WDFY3: variants seen among roughly 807,000 people sequenced by gnomAD.
WDFY3 encodes WD repeat and FYVE domain-containing protein 3.
In WDFY3, 66 loss-of-function variants were observed where a neutral mutation model predicts 409.6. The observed-to-expected ratio is 0.16, with a 90% CI of 0.13 to 0.20. WDFY3 has a LOEUF of 0.20. Ranked by LOEUF, WDFY3 falls within the 10% of genes least tolerant of loss-of-function variation. WDFY3 has a pLI of 1.00. For synonymous variants in WDFY3, 1,521 were observed against 1,537.1 expected (o/e 0.99, Z 0.25); for missense variants, 3,031 against 4,298.1 (o/e 0.71, Z 8.24).
chr4:84,824,361 A>G (rs1403122536), intron 10 of WDFY3, among the ~76,000 whole-genome samples: 1 of 152,138 alleles, frequency 6.6e-6, no homozygotes, highest in Non-Finnish European at 1.5e-5. Context: ...TATAAATTCA[A>G]CTTTATCATA....
intron 33 of WDFY3, 31 bp downstream of exon 33, chr4:84,756,895 T>C: frequency 1.3e-6 from 2 of 1,596,590 alleles, no homozygotes; most frequent in Non-Finnish European, 1.7e-6. Context: ...GAATACGTAA[T>C]TTCACGCACC....
chr4:84,950,234 A>G (rs1385826720), intron 1 of WDFY3, among the ~76,000 whole-genome samples: 1 of 147,176 alleles, frequency 6.8e-6, no homozygotes. Context: ...AACATCACAC[A>G]TTGGGAGCTA....
chr4:84,724,671 G>A, intron 45 of WDFY3, 77 bp from the exon 46 acceptor site: 2 of 1,491,192 alleles, frequency 1.3e-6, no homozygotes, highest in Non-Finnish European at 9.0e-7. Context: ...GGGAAGGTAT[G>A]GTGTCAAGGT....
chr4:84,707,011 T>C (rs1274334442), intron 53 of WDFY3, among the ~76,000 whole-genome samples: 1 of 149,440 alleles, frequency 6.7e-6, no homozygotes, highest in Non-Finnish European at 1.5e-5. Flanking sequence ...CACTCTCAGC[T>C]CACAGCAATC....
intron 3 of WDFY3, among the ~76,000 whole-genome samples, chr4:84,863,381 C>T (rs1760930164): frequency 6.6e-6 from 1 of 152,198 alleles, no homozygotes; most frequent in South Asian, 2.1e-4. Context: ...TTCTGGCCAA[C>T]ACTTTCCACC....
At chr4:84,895,822 GAA>G (rs924660725) in intron 3 of WDFY3, among the ~76,000 whole-genome samples, 5 of 152,004 alleles carry the variant, frequency 3.3e-5, no homozygotes, top group African/African-American at 9.7e-5. Flanking sequence ...AGGATCAAAA[GAA>G]AAAGAGATCA....
chr4:84,827,273 G>C (rs897824053), intron 9 of WDFY3, among the ~76,000 whole-genome samples: 1 of 151,902 alleles, frequency 6.6e-6, no homozygotes, highest in Non-Finnish European at 1.5e-5. Flanking sequence ...CAAAAAGTAG[G>C]AAAGAAGAAA....
At chr4:84,907,528 C>T (rs1022754650) in intron 2 of WDFY3, among the ~76,000 whole-genome samples, 1 of 152,134 alleles carries the variant, frequency 6.6e-6, no homozygotes, top group African/African-American at 2.4e-5. Flanking sequence ...CCTCTAGTCC[C>T]AGTCAAGCCT....
In WDFY3 at chr4:84,849,968, A is replaced by G; in HGVS notation, c.238T>C (p.Phe80Leu). The G allele has an allele frequency of 6.2e-7, 1 of 1,610,402 alleles. No individual in the cohort carries two copies. Among genetic ancestry groups the G allele is most frequent in the Middle Eastern group, 1.7e-4 (1 of 6,056 alleles). The part of the protein sequence containing the change: ...MTEKFSDLLQ[F>L]TTQVSRLMVT... Reference sequence around the variant, plus strand: ...ATTAGTCGTGAGACTTGTGTTGTGAACTGCAGAAGATCAGAAAATTTTTCT... The same window carrying G: ...ATTAGTCGTGAGACTTGTGTTGTGAGCTGCAGAAGATCAGAAAATTTTTCT... Residue 80 changes from phenylalanine to leucine, a missense_variant, in exon 5 of 68, where the codon TTC becomes CTC. Transcript: ENST00000295888.
chr4:84,830,458 T>C (rs189598528), intron 8 of WDFY3, among the ~76,000 whole-genome samples: 89 of 152,322 alleles, frequency 5.8e-4, no homozygotes, highest in Non-Finnish European at 4.7e-4. Flanking sequence ...TAGGCTAAGA[T>C]ATGATGTTCG....
intron 44 of WDFY3, 116 bp downstream of exon 44, chr4:84,733,266 T>C (rs1736905126): frequency 1.8e-6 from 2 of 1,122,118 alleles, no homozygotes; most frequent in Non-Finnish European, 2.6e-6. Context: ...TAATAGCGTA[T>C]GTTGAATTTT....
chr4:84,694,391 T>C (rs1254730918), intron 58 of WDFY3, among the ~76,000 whole-genome samples: 1 of 152,192 alleles, frequency 6.6e-6, no homozygotes, highest in African/African-American at 2.4e-5. Context: ...TCAATGTGTG[T>C]CCCAGAAATA....
Position 84,873,770 on chromosome 4 carries a change from T to G in WDFY3, c.-31-13148A>C, listed in dbSNP as rs903790443. 4.2e-4 allele frequency among the ~76,000 whole-genome samples: 64 copies of G among 151,638 alleles called. 1 individual carries two copies. The highest frequency in any genetic ancestry group is 1.5e-5 in the Non-Finnish European group (1 of 67,982). ...ATGACTGGTGTCTTGTTCGTTTTTT[T>G]GTGTTTTTTTTTTGTTTGTTTGTTT... On this transcript the variant is annotated intron_variant, in intron 3 of 67. Coordinates refer to ENST00000295888, the MANE Select transcript of WDFY3 (RefSeq NM_014991.6).
chr4:84,692,948 T>C lies in WDFY3; in HGVS notation c.8986A>G (p.Thr2996Ala), dbSNP rs1261369348. 1 of 1,613,680 alleles carries C rather than the reference T, an allele frequency of 6.2e-7. No homozygotes were observed. The highest frequency in any genetic ancestry group is 2.2e-5 in the East Asian group (1 of 44,872). Residue 2996 changes from threonine (T) to alanine (A), a missense_variant, in exon 59 of 68, where the codon ACA becomes GCA. By Grantham distance (58) the Thr-to-Ala change is moderately conservative (BLOSUM62 0). Around this residue, in one of 16 missense-constraint regions of WDFY3, gnomAD observed 152 missense variants for 193.5 expected, o/e 0.79. Coordinates refer to ENST00000295888, the MANE Select transcript of WDFY3 (RefSeq NM_014991.6). ...NAGISVLPGS[T>A]SDKIFFHHLD... is the part of the protein sequence containing the mutation. ...TGATGAAAAAAGATCTTGTCACTTG[T>C]AGATCCTGGTAGGACAGAGATTCCT... is the stretch of plus-strand genomic sequence containing the variant.
chr4:84,837,441 C>T (rs901636051), intron 6 of WDFY3, among the ~76,000 whole-genome samples: 1 of 152,128 alleles, frequency 6.6e-6, no homozygotes, highest in Non-Finnish European at 1.5e-5. Context: ...ACTTGCCTTT[C>T]TTATAAAAAT....
At chr4:84,847,684 G>A (rs1758277564) in intron 5 of WDFY3, among the ~76,000 whole-genome samples, 1 of 139,134 alleles carries the variant, frequency 7.2e-6, no homozygotes, top group African/African-American at 2.7e-5. Flanking sequence ...TGAGGCAGGA[G>A]AATCGATTGA....
intron 62 of WDFY3, among the ~76,000 whole-genome samples, chr4:84,685,123 G>T (rs1728084926): frequency 6.6e-6 from 1 of 152,192 alleles, no homozygotes; most frequent in Admixed American, 6.5e-5. Flanking sequence ...ACAATGCTGG[G>T]TATTACCTTT....
chr4:84,900,807 C>T (rs1484128923), intron 2 of WDFY3, among the ~76,000 whole-genome samples: 9 of 152,130 alleles, frequency 5.9e-5, no homozygotes. Context: ...AAGCTATATA[C>T]CACAAAAAGG....
intron 2 of WDFY3, among the ~76,000 whole-genome samples, chr4:84,928,861 G>T (rs182591044): frequency 9.2e-5 from 14 of 152,196 alleles, no homozygotes; most frequent in African/African-American, 3.4e-4. Context: ...ACTTGAATAA[G>T]TCTACACAGG....
Sources: gnomAD v4.1 joint callset for allele counts (sites outside exome capture counted in the v4.1 genomes callset) on GRCh38, gnomAD v4.1.1 for gene constraint, gnomAD v4.1.1 regional missense constraint, MANE v1.5 for transcripts, NCBI Gene and HGNC (gene_info 2026-07-23, HGNC 2026-07-21) for gene names.